PCDHGA11: variants seen among roughly 807,000 people sequenced by gnomAD.
The protein encoded by PCDHGA11 is protocadherin gamma-A11.
PCDHGA11 carries 39 observed loss-of-function variants against 60.4 expected under a neutral mutation model. The ratio of observed to expected loss-of-function variants is 0.65; its 90% CI spans 0.50 to 0.84. The LOEUF (loss-of-function observed/expected upper bound fraction) is 0.84. PCDHGA11 is among the 40% of genes least tolerant of loss of function. The probability of loss-of-function intolerance (pLI) is 0.00; values close to 1 mark genes in which losing one functional copy is unlikely to be tolerated. For missense variants in PCDHGA11, 1,165 were observed against 1,197.7 expected, an observed-to-expected ratio of 0.97 and a Z score of 0.40; for synonymous variants, 533 against 510.3, an observed-to-expected ratio of 1.04 and a Z score of -0.60.
chr5:141,443,618 G>A (rs901899343), intron 1 of PCDHGA11, among the ~76,000 whole-genome samples: 2 of 152,178 alleles, frequency 1.3e-5, no homozygotes, highest in Non-Finnish European at 2.9e-5. Context: ...TTATAATCAG[G>A]TGATTGTAAA....
chr5:141,472,856 C>T (rs1251907207), intron 1 of PCDHGA11, among the ~76,000 whole-genome samples: 5 of 150,296 alleles, frequency 3.3e-5, no homozygotes, highest in East Asian at 2.0e-4. Flanking sequence ...CATGGTGGCA[C>T]ATGCCTGTAT....
intron 1 of PCDHGA11, among the ~76,000 whole-genome samples, chr5:141,468,306 C>T (rs1006015063): frequency 9.5e-6 from 1 of 105,260 alleles, no homozygotes; most frequent in African/African-American, 3.7e-5. Context: ...GCCTGGGCAA[C>T]AAGAGCAACG....
In PCDHGA11 at chr5:141,487,000, G is replaced by A. The variant is rs1410493699; in HGVS notation, c.2434-7807G>A. On this transcript the variant is annotated intron_variant, in intron 1 of 3. Transcript: ENST00000398587. The surrounding 1 kb of genome is among the most constrained non-coding windows in gnomAD (Gnocchi z 5.0). ...GTTACAATGCTTGGGTTTCCTATCA[G>A]CTCCTGGAGGCCCCAGATCCCAGCC... The A allele has an allele frequency of 6.2e-7, 1 of 1,614,194 alleles. No homozygotes were observed. The highest frequency in any genetic ancestry group is 8.5e-7 in the Non-Finnish European group (1 of 1,180,036).
chr5:141,431,408 G>T lies in PCDHGA11; in HGVS notation c.2433+7748G>T, dbSNP rs1270461546. On this transcript the variant is annotated intron_variant, in intron 1 of 3. Coordinates refer to ENST00000398587, the MANE Select transcript of PCDHGA11 (RefSeq NM_018914.3). The surrounding 1 kb of genome is among the most constrained non-coding windows in gnomAD (Gnocchi z 4.8). ...CCACCTGGTCCTTACGGCCTCCGAC[G>T]GGGGCGACCCGGTGCGCACAGGCAC... 4 of 1,613,600 alleles carry T rather than the reference G, an allele frequency of 2.5e-6. No individual in the cohort carries two copies. Among genetic ancestry groups the T allele is most frequent in the Non-Finnish European group, 3.4e-6 (4 of 1,180,038 alleles).
Position 141,490,046 on chromosome 5 carries a change from C to A in PCDHGA11, c.2434-4761C>A, listed in dbSNP as rs2099695274. ...CTGCTCCGCCTCAATGCCACTGATC[C>A]AGACGAGGGCACCAACGGCCAACTA... On this transcript the variant is annotated intron_variant, in intron 1 of 3. Transcript: ENST00000398587. This position sits in a 1 kb window ranked among gnomAD's most constrained non-coding sequence, Gnocchi z 5.4. 1 of 1,614,094 alleles carries A rather than the reference C, an allele frequency of 6.2e-7. No individual in the cohort carries two copies.
Position 141,485,585 on chromosome 5 carries a change from C to G in PCDHGA11, c.2434-9222C>G, listed in dbSNP as rs373987810. The G allele has an allele frequency of 7.4e-6, 12 of 1,612,204 alleles. No individual in the cohort carries two copies. The highest frequency in any genetic ancestry group is 1.0e-5 in the Non-Finnish European group (12 of 1,178,590). On this transcript the variant is annotated intron_variant, in intron 1 of 3. Transcript: ENST00000398587. The surrounding 1 kb of genome is among the most constrained non-coding windows in gnomAD (Gnocchi z 5.7). ...CGCCCCCCGTTTTCCGCGGCAGCAG[C>G]TGGACTTGGAAATTGGGGAGGCAGC...
chr5:141,431,375 G>C lies in PCDHGA11; in HGVS notation c.2433+7715G>C. ...ACGCGCCCTGGACCGCGAAGAAAAG[G>C]CTGCTCACCACCTGGTCCTTACGGC... On this transcript the variant is annotated intron_variant, in intron 1 of 3. Transcript: ENST00000398587. This position sits in a 1 kb window ranked among gnomAD's most constrained non-coding sequence, Gnocchi z 4.8. 6.2e-7 allele frequency: 1 copy of C among 1,613,422 alleles called. No individual in the cohort carries two copies. The highest frequency in any genetic ancestry group is 8.5e-7 in the Non-Finnish European group (1 of 1,179,570).
At chr5:141,498,964 G>A (rs1342764380) in intron 2 of PCDHGA11, among the ~76,000 whole-genome samples, 2 of 127,572 alleles carry the variant, frequency 1.6e-5, no homozygotes, top group Admixed American at 8.7e-5. Context: ...AGAGAGGGAG[G>A]GAGGGAGGGA....
chr5:141,470,650 T>C (rs2099235744), intron 1 of PCDHGA11, among the ~76,000 whole-genome samples: 1 of 152,184 alleles, frequency 6.6e-6, no homozygotes, highest in Non-Finnish European at 1.5e-5. Context: ...TGAAGGCCCC[T>C]ACCCTTTGGT....
chr5:141,501,964 A>G (rs1374872785), intron 2 of PCDHGA11, among the ~76,000 whole-genome samples: 1 of 151,854 alleles, frequency 6.6e-6, no homozygotes, highest in East Asian at 1.9e-4. Flanking sequence ...TCATCCTCCT[A>G]ACCTCTGGCA....
At chr5:141,463,493 G>C (rs2099061978) in intron 1 of PCDHGA11, among the ~76,000 whole-genome samples, 1 of 128,844 alleles carries the variant, frequency 7.8e-6, no homozygotes, top group Admixed American at 9.6e-5. Flanking sequence ...CTGTCACCCA[G>C]GCTGGAGTGA....
rs1007318194 is a variant in PCDHGA11, at chr5:141,512,035, T to G, written c.*862T>G. On this transcript the variant is annotated 3_prime_UTR_variant, in exon 4 of 4. Coordinates refer to ENST00000398587, the MANE Select transcript of PCDHGA11 (RefSeq NM_018914.3). ...AAGTTATCAAGGCCTTGGAGGAGGC[T>G]CTGTATGTCCTCAGGGGACTGACAA... 1.3e-5 allele frequency: 2 copies of G among 152,870 alleles called. No individual in the cohort carries two copies. Among genetic ancestry groups the G allele is most frequent in the African/African-American group, 4.8e-5 (2 of 41,464 alleles). The allele number at this position is 152,870 out of a possible 1,614,324, so 9.5% of individuals were successfully genotyped here.
intron 1 of PCDHGA11, among the ~76,000 whole-genome samples, chr5:141,484,720 G>A (rs1458277947): frequency 2.6e-5 from 4 of 151,988 alleles, no homozygotes; most frequent in African/African-American, 7.2e-5. Flanking sequence ...GAAAAGGGGC[G>A]GGGTCAGTCG....
At chr5:141,435,902 A>G (rs896786345) in intron 1 of PCDHGA11, among the ~76,000 whole-genome samples, 1 of 152,194 alleles carries the variant, frequency 6.6e-6, no homozygotes, top group Non-Finnish European at 1.5e-5. Flanking sequence ...AATGAAAGAC[A>G]TCCAAGGGCT....
In PCDHGA11 at chr5:141,505,090, A is replaced by C. The variant is rs1018571873; in HGVS notation, c.2493-303A>C. Among the ~76,000 whole-genome samples the C allele has an allele frequency of 3.9e-5, 6 of 152,188 alleles. 1 individual carries two copies. The South Asian group carries it at 1.2e-3, about 31-fold the overall frequency. ...GGCAGGAGAATCGCTTGAACCCAGG[A>C]GGTGGATGTTGCAATGAGCCAAGAT... On this transcript the variant is annotated intron_variant, in intron 2 of 3. Transcript: ENST00000398587.
At chr5:141,460,909 G>A (rs1473458228) in intron 1 of PCDHGA11, among the ~76,000 whole-genome samples, 4 of 123,246 alleles carry the variant, frequency 3.2e-5, no homozygotes, top group Non-Finnish European at 6.6e-5. Context: ...AATATTCCAT[G>A]GTGTATATAT....
chr5:141,430,756 A>G (rs747363475), intron 1 of PCDHGA11: 1 of 1,503,228 alleles, frequency 6.7e-7, no homozygotes, highest in Non-Finnish European at 8.9e-7. Flanking sequence ...GGAGGAAGAT[A>G]AGAATGATTC....
intron 1 of PCDHGA11, among the ~76,000 whole-genome samples, chr5:141,459,759 G>A (rs1164466104): frequency 7.2e-5 from 11 of 152,206 alleles, no homozygotes; most frequent in Non-Finnish European, 2.9e-5. Context: ...TCTAGTGGGT[G>A]TGTGATACTA....
intron 1 of PCDHGA11, among the ~76,000 whole-genome samples, chr5:141,448,629 C>T (rs1188418541): frequency 6.6e-6 from 1 of 152,060 alleles, no homozygotes; most frequent in Non-Finnish European, 1.5e-5. Flanking sequence ...CCTTTCTTCA[C>T]ATTATATCCT....
Sources: gnomAD v4.1 joint callset for allele counts (sites outside exome capture counted in the v4.1 genomes callset) on GRCh38, gnomAD v4.1.1 for gene constraint, Gnocchi (gnomAD v3.1) non-coding constraint, MANE v1.5 for transcripts, NCBI Gene and HGNC (gene_info 2026-07-23, HGNC 2026-07-21) for gene names.